The following KCTD1 variants were observed in gnomAD, a reference collection of about 807,000 sequenced individuals.
KCTD1 encodes the protein BTB/POZ domain-containing protein KCTD1.
Under a neutral mutation model 66.0 loss-of-function variants are expected in KCTD1, and 24 were observed. The observed-to-expected ratio is 0.36, with a 90% CI of 0.26 to 0.51. KCTD1 has a LOEUF of 0.51. Ranked by LOEUF, KCTD1 falls within the 20% of genes least tolerant of loss-of-function variation. KCTD1 has a pLI of 0.95. For synonymous variants in KCTD1, 511 were observed against 517.2 expected (o/e 0.99, Z 0.16); for missense variants, 943 against 1,205.2 (o/e 0.78, Z 3.22).
intron 1 of KCTD1, among the ~76,000 whole-genome samples, chr18:26,573,323 T>C (rs955097423): frequency 1.3e-5 from 2 of 152,110 alleles, no homozygotes; most frequent in Non-Finnish European, 2.9e-5. Flanking sequence ...GGAAATTCTG[T>C]GGATGGATGA....
intron 1 of KCTD1, among the ~76,000 whole-genome samples, chr18:26,636,218 T>C (rs1987720649): frequency 1.3e-5 from 2 of 152,168 alleles, no homozygotes; most frequent in Non-Finnish European, 2.9e-5. Context: ...GGGGAGTTTA[T>C]GTTTGTGGTT....
chr18:26,499,575 C>T (rs1362590135), intron 2 of KCTD1, among the ~76,000 whole-genome samples: 6 of 152,192 alleles, frequency 3.9e-5, no homozygotes, highest in Admixed American at 3.9e-4. Context: ...TTTCATCTTT[C>T]TTCTTTCCAA....
At position 26,476,179 on chromosome 18, in the gene KCTD1, C is replaced by T. The variant is rs189514476; in HGVS notation, c.2133+336G>A. On this transcript the variant is annotated intron_variant, in intron 3 of 4. Coordinates refer to ENST00000580059, the MANE Select transcript of KCTD1 (RefSeq NM_001142730.3). This position sits in a 1 kb window ranked among gnomAD's most constrained non-coding sequence, Gnocchi z 4.9. ...CATGTTTGCTTTCGATTTCTAGGGGCGGGGACGGGGAAGTCTTCATTAAGC... is the reference window on the plus strand; with the variant it reads ...CATGTTTGCTTTCGATTTCTAGGGGTGGGGACGGGGAAGTCTTCATTAAGC... Among the ~76,000 whole-genome samples, 3 of 152,182 alleles carry T rather than the reference C, an allele frequency of 2.0e-5. No homozygotes were observed. Among genetic ancestry groups the T allele is most frequent in the Non-Finnish European group, 2.9e-5 (2 of 67,992 alleles).
intron 1 of KCTD1, among the ~76,000 whole-genome samples, chr18:26,639,170 G>A (rs1258909325): frequency 6.6e-6 from 1 of 152,128 alleles, no homozygotes; most frequent in African/African-American, 2.4e-5. Flanking sequence ...TGTGAACAGG[G>A]GTCTCATTGA....
chr18:26,592,802 G>A (rs1156293333), intron 1 of KCTD1, among the ~76,000 whole-genome samples: 6 of 152,184 alleles, frequency 3.9e-5, no homozygotes, highest in Admixed American at 3.9e-4. Flanking sequence ...ATGGGGAAAT[G>A]GGGGCAAGTT....
chr18:26,601,842 T>A (rs1047576909), intron 1 of KCTD1, among the ~76,000 whole-genome samples: 2 of 152,230 alleles, frequency 1.3e-5, no homozygotes, highest in Non-Finnish European at 2.9e-5. Flanking sequence ...TTAGTATTGA[T>A]CTTGTATCAT....
At chr18:26,612,751 C>A (rs1837233) in intron 1 of KCTD1, among the ~76,000 whole-genome samples, 22,230 of 152,190 alleles carry the variant, frequency 0.15, 1,681 homozygotes, top group East Asian at 0.26. Context: ...GCAAACTTAA[C>A]ACATCTTCCT....
At chr18:26,475,496 A>G (rs1180141500) in intron 3 of KCTD1, among the ~76,000 whole-genome samples, 1 of 152,150 alleles carries the variant, frequency 6.6e-6, no homozygotes, top group Non-Finnish European at 1.5e-5. Context: ...CCTAGGTGTT[A>G]TAATTTTTGT....
intron 1 of KCTD1, among the ~76,000 whole-genome samples, chr18:26,603,440 A>AT: frequency 6.6e-6 from 1 of 151,008 alleles, no homozygotes; most frequent in Admixed American, 6.6e-5. Context: ...TAAAAAAAAA[A>AT]AAAAAAGACT....
chr18:26,618,941 C>T (rs1224641630), intron 1 of KCTD1, among the ~76,000 whole-genome samples: 1 of 152,206 alleles, frequency 6.6e-6, no homozygotes, highest in African/African-American at 2.4e-5. Context: ...ATTTTACAGT[C>T]CTCCAGGGAA....
intron 1 of KCTD1, among the ~76,000 whole-genome samples, chr18:26,563,068 C>T (rs1178104607): frequency 6.6e-6 from 1 of 152,148 alleles, no homozygotes; most frequent in Non-Finnish European, 1.5e-5. Flanking sequence ...TCTGTAGTCC[C>T]CTTCCCTGCT....
rs59317159 is a variant in KCTD1 at position 26,582,805 on chromosome 18, GT to G, written c.-16+46341del. 5.7e-4 allele frequency among the ~76,000 whole-genome samples: 85 copies of G among 148,110 alleles called. 1 individual carries two copies. Among genetic ancestry groups the G allele is most frequent in the African/African-American group, 1.3e-3 (51 of 40,524 alleles). Reference sequence around the variant, plus strand: ...AGCATGTATAGAATAACACCATTTGGTTTTTTTTTTTAAAAGGATTTATATG... The same window carrying G: ...AGCATGTATAGAATAACACCATTTGGTTTTTTTTTTAAAAGGATTTATATG... On this transcript the variant is annotated intron_variant, in intron 1 of 4. Transcript: ENST00000317932.
intron 1 of KCTD1, among the ~76,000 whole-genome samples, chr18:26,601,691 A>G (rs1986903592): frequency 6.6e-6 from 1 of 152,328 alleles, no homozygotes; most frequent in Admixed American, 6.5e-5. Context: ...ATTTTCTTCA[A>G]CATAATTTGT....
At chr18:26,573,723 T>G (rs1253912275) in intron 1 of KCTD1, among the ~76,000 whole-genome samples, 1 of 152,244 alleles carries the variant, frequency 6.6e-6, no homozygotes, top group Non-Finnish European at 1.5e-5. Context: ...TCTACATGTG[T>G]ATGGTAGTTG....
intron 1 of KCTD1, among the ~76,000 whole-genome samples, chr18:26,576,499 T>C (rs1191014860): frequency 1.3e-5 from 2 of 152,228 alleles, no homozygotes; most frequent in Non-Finnish European, 2.9e-5. Context: ...TATTAATCTT[T>C]GCAAGTTGCT....
chr18:26,593,937 G>A (rs993236715), intron 1 of KCTD1, among the ~76,000 whole-genome samples: 5 of 152,034 alleles, frequency 3.3e-5, no homozygotes, highest in African/African-American at 4.8e-5. Context: ...GGAGGAGAAA[G>A]AAGAGAAGGG....
At chr18:26,633,060 TACCTTACGCA>T (rs1390444015), upstream of KCTD1, among the ~76,000 whole-genome samples, 8 of 152,134 alleles carry the variant, frequency 5.3e-5, no homozygotes, top group South Asian at 1.7e-3. Flanking sequence ...CAAGGGGAAT[TACCTTACGCA>T]ACATGAGAGG....
intron 1 of KCTD1, chr18:26,581,326 T>C (rs1050561123): frequency 6.6e-6 from 1 of 152,262 alleles, no homozygotes; most frequent in Non-Finnish European, 1.5e-5. Context: ...TGGCTCACTA[T>C]AGCCTCAACC....
chr18:26,516,857 C>T (rs1347503185), intron 1 of KCTD1, among the ~76,000 whole-genome samples: 1 of 152,132 alleles, frequency 6.6e-6, no homozygotes, highest in Non-Finnish European at 1.5e-5. Context: ...GCATCAAATG[C>T]TTTTTGATTT....
Sources: allele counts gnomAD v4.1 joint callset (sites outside exome capture counted in the v4.1 genomes callset), GRCh38; gene constraint gnomAD v4.1.1; non-coding constraint Gnocchi (gnomAD v3.1); transcripts MANE v1.5; gene names NCBI Gene and HGNC (gene_info 2026-07-23, HGNC 2026-07-21).